The following DNASE1 variants were observed in gnomAD, a reference collection of about 807,000 sequenced individuals.
DNASE1 encodes deoxyribonuclease-1.
A neutral mutation model predicts 33.9 loss-of-function variants in DNASE1; 40 were observed. That is an observed-to-expected ratio of 1.18 (90% confidence interval 0.92 to 1.54). DNASE1 has a LOEUF of 1.54. Ranked by LOEUF, DNASE1 falls within the 40% of genes most tolerant of loss-of-function variation. The pLI, the probability that DNASE1 is intolerant of heterozygous loss-of-function variation, is 0.00. For missense variants in DNASE1, 518 were observed against 372.6 expected (o/e 1.39, Z -3.21); for synonymous variants, 216 against 160.0 (o/e 1.35, Z -2.64).
chr16:3,619,298 A>C (rs1251674294), intron 1 of DNASE1, among the ~76,000 whole-genome samples: 1 of 152,126 alleles, frequency 6.6e-6, no homozygotes, highest in Non-Finnish European at 1.5e-5. Flanking sequence ...GGCCTCCCAA[A>C]GTGCTGGGAT....
chr16:3,613,678 C>CT (rs1471025703), intron 1 of DNASE1, among the ~76,000 whole-genome samples: 2 of 152,144 alleles, frequency 1.3e-5, no homozygotes, highest in Non-Finnish European at 2.9e-5. Flanking sequence ...TGTCTTGGGA[C>CT]TTGAATTTAT....
chr16:3,653,696 A>C (rs1462773903), upstream of DNASE1: 2 of 150,694 alleles, frequency 1.3e-5, no homozygotes, highest in African/African-American at 4.9e-5. Context: ...AATCCCAGCT[A>C]CTCGGGAGGC....
exon 10 of DNASE1, chr16:3,663,839 C>A (rs1021796748): frequency 4.5e-6 from 2 of 441,258 alleles, no homozygotes; most frequent in Non-Finnish European, 8.2e-6. Flanking sequence ...TTTGGGAGGC[C>A]AAAGCAGGCA....
chr16:3,654,108 C>G (rs113086912), upstream of DNASE1: 40 of 319,160 alleles, frequency 1.3e-4, no homozygotes, highest in African/African-American at 7.8e-4. Flanking sequence ...GAGACCCTGT[C>G]TCAAAAACAA....
intron 1 of DNASE1, among the ~76,000 whole-genome samples, chr16:3,635,835 G>A (rs1443751480): frequency 2.0e-5 from 3 of 151,870 alleles, no homozygotes; most frequent in Non-Finnish European, 4.4e-5. Flanking sequence ...TTTCCCTGTG[G>A]CTTCTCTCAA....
chr16:3,649,941 C>A (rs900579748), upstream of DNASE1, among the ~76,000 whole-genome samples: 2 of 151,838 alleles, frequency 1.3e-5, no homozygotes, highest in Non-Finnish European at 2.9e-5. Flanking sequence ...AAAAAAAATT[C>A]TTAAAGAGTT....
upstream of DNASE1, among the ~76,000 whole-genome samples, chr16:3,638,487 G>A (rs200204506): frequency 1.1e-4 from 16 of 152,242 alleles, no homozygotes; most frequent in Middle Eastern, 3.4e-3. Flanking sequence ...ACAGGCGCCC[G>A]CCACCACACT....
At chr16:3,656,825 G>C (rs1193565763) in intron 5 of DNASE1, 72 bp downstream of exon 5, 3 of 1,545,794 alleles carry the variant, frequency 1.9e-6, no homozygotes, top group African/African-American at 2.7e-5. Context: ...AGGGAACCTG[G>C]AATGCCTGTG....
At chr16:3,641,123 G>A, upstream of DNASE1, 1 of 396,570 alleles carries the variant, frequency 2.5e-6, no homozygotes, top group Non-Finnish European at 4.4e-6. Context: ...AGGGTGGCTA[G>A]TGGTGGCCAG....
At chr16:3,638,423 C>A (rs1303987087), upstream of DNASE1, among the ~76,000 whole-genome samples, 1 of 152,102 alleles carries the variant, frequency 6.6e-6, no homozygotes, top group Non-Finnish European at 1.5e-5. Context: ...CTGCAAGCTC[C>A]GCCTCCAGGG....
chr16:3,617,994 T>C (rs575647769), intron 1 of DNASE1, among the ~76,000 whole-genome samples: 9 of 148,118 alleles, frequency 6.1e-5, no homozygotes, highest in Non-Finnish European at 1.3e-4. Flanking sequence ...GACATTCTAG[T>C]AGCACAATAT....
chr16:3,623,618 A>G (rs1342299644), intron 1 of DNASE1, among the ~76,000 whole-genome samples: 1 of 152,182 alleles, frequency 6.6e-6, no homozygotes, highest in Non-Finnish European at 1.5e-5. Flanking sequence ...AAGGATCTCA[A>G]CAAGAAAAAA....
chr16:3,632,364 GT>G (rs1436289750), intron 1 of DNASE1, among the ~76,000 whole-genome samples: 2 of 152,138 alleles, frequency 1.3e-5, no homozygotes, highest in Non-Finnish European at 2.9e-5. Flanking sequence ...GCAGTTCTTA[GT>G]TTTTGCTTTG....
At chr16:3,621,808 A>G (rs986392741) in intron 1 of DNASE1, among the ~76,000 whole-genome samples, 2 of 152,182 alleles carry the variant, frequency 1.3e-5, no homozygotes, top group Non-Finnish European at 2.9e-5. Context: ...ACTTGTATAT[A>G]CTTTTATGCA....
At chr16:3,628,695 A>G (rs1258906183) in intron 1 of DNASE1, among the ~76,000 whole-genome samples, 1 of 151,060 alleles carries the variant, frequency 6.6e-6, no homozygotes, top group Non-Finnish European at 1.5e-5. Flanking sequence ...AATAGCTGGG[A>G]CTATAGGCGC....
At chr16:3,640,764 G>A, upstream of DNASE1, 1 of 398,622 alleles carries the variant, frequency 2.5e-6, no homozygotes, top group South Asian at 1.3e-4. Flanking sequence ...TTGCTGAGTG[G>A]TACAGCGCCA....
At chr16:3,622,885 A>T (rs1031040339) in intron 1 of DNASE1, among the ~76,000 whole-genome samples, 1 of 152,224 alleles carries the variant, frequency 6.6e-6, no homozygotes, top group Non-Finnish European at 1.5e-5. Context: ...ATGCCTTGTA[A>T]TGAACAAAGG....
upstream of DNASE1, chr16:3,652,572 G>A (rs2042370889): frequency 1.3e-5 from 2 of 152,298 alleles, no homozygotes; most frequent in Non-Finnish European, 2.9e-5. Context: ...TGGGGCCTCT[G>A]GCAGCCTGAG....
At chr16:3,635,642 C>G (rs1356731686) in intron 1 of DNASE1, among the ~76,000 whole-genome samples, 1 of 151,092 alleles carries the variant, frequency 6.6e-6, no homozygotes, top group East Asian at 1.9e-4. Context: ...AATTTTTATT[C>G]TTCTGAGAAA....
Sources: allele counts gnomAD v4.1 joint callset (sites outside exome capture counted in the v4.1 genomes callset), GRCh38; gene constraint gnomAD v4.1.1; transcripts MANE v1.5; gene names NCBI Gene and HGNC (gene_info 2026-07-23, HGNC 2026-07-21).